The following RBPMS variants were observed in gnomAD, a reference collection of about 807,000 sequenced individuals.
The protein encoded by RBPMS is RNA binding protein, mRNA processing factor, also known as RNA-binding protein with multiple splicing.
Under a neutral mutation model 26.8 loss-of-function variants are expected in RBPMS, and 7 were observed. The observed-to-expected ratio is 0.26, with a 90% confidence interval of 0.15 to 0.49. The LOEUF (loss-of-function observed/expected upper bound fraction) is 0.49, where lower values mean the gene tolerates loss of function less well. Among genes scored for constraint, RBPMS ranks in the 20% least tolerant of loss-of-function variants. The pLI is 0.98. For missense variants in RBPMS, 186 were observed against 250.0 expected (o/e 0.74, Z 1.73); for synonymous variants, 96 against 93.3 (o/e 1.03, Z -0.17).
chr8:30,554,532 T>C (rs767289373), intron 6 of RBPMS, among the ~76,000 whole-genome samples: 6 of 152,206 alleles, frequency 3.9e-5, no homozygotes, highest in Non-Finnish European at 8.8e-5. Flanking sequence ...TCCTTGACAT[T>C]AGAGCATTTC....
chr8:30,476,211 A>AGCG (rs33953066), intron 2 of RBPMS, among the ~76,000 whole-genome samples: 1 of 42 alleles, frequency 0.024, no homozygotes, highest in African/African-American at 0.1. Flanking sequence ...TGAAACTTGG[A>AGCG]GCTGAATAAA....
chr8:30,460,901 A>G (rs1815804105), intron 1 of RBPMS, among the ~76,000 whole-genome samples: 1 of 152,156 alleles, frequency 6.6e-6, no homozygotes, highest in African/African-American at 2.4e-5. Flanking sequence ...AACACAAAAA[A>G]TTAGCCAGGC....
intron 4 of RBPMS, among the ~76,000 whole-genome samples, chr8:30,500,623 AC>A (rs1330287748): frequency 6.6e-6 from 1 of 152,102 alleles, no homozygotes; most frequent in Admixed American, 6.6e-5. Context: ...GAATTTGGAG[AC>A]TTTTTCTCTA....
intron 6 of RBPMS, among the ~76,000 whole-genome samples, chr8:30,555,209 A>G (rs1402804891): frequency 6.6e-6 from 1 of 152,162 alleles, no homozygotes; most frequent in African/African-American, 2.4e-5. Flanking sequence ...ATCTGTCACC[A>G]TGCTGAGTGC....
At chr8:30,567,102 C>G (rs1000204997) in intron 8 of RBPMS, among the ~76,000 whole-genome samples, 2 of 152,164 alleles carry the variant, frequency 1.3e-5, no homozygotes, top group African/African-American at 4.8e-5. Flanking sequence ...AGGGGCGAGT[C>G]TATGGTGGTT....
intron 1 of RBPMS, among the ~76,000 whole-genome samples, chr8:30,466,043 C>G (rs997075528): frequency 5.3e-5 from 8 of 152,116 alleles, no homozygotes; most frequent in African/African-American, 1.4e-4. Flanking sequence ...ATTATCCTAC[C>G]AAAAACTTTG....
At chr8:30,447,401 A>G (rs1813995599) in intron 1 of RBPMS, among the ~76,000 whole-genome samples, 1 of 152,228 alleles carries the variant, frequency 6.6e-6, no homozygotes, top group South Asian at 2.1e-4. Flanking sequence ...AGAGGAAGTT[A>G]GCGGTTAGAA....
At chr8:30,410,471 G>A (rs1218184657) in intron 1 of RBPMS, among the ~76,000 whole-genome samples, 3 of 152,034 alleles carry the variant, frequency 2.0e-5, no homozygotes. Context: ...GCCTCCCAAA[G>A]TGCCGGGACT....
At chr8:30,526,585 G>T (rs1244759486) in intron 5 of RBPMS, among the ~76,000 whole-genome samples, 1 of 152,174 alleles carries the variant, frequency 6.6e-6, no homozygotes, top group African/African-American at 2.4e-5. Flanking sequence ...AGCACACACA[G>T]CCTGGAGAAA....
intron 1 of RBPMS, among the ~76,000 whole-genome samples, chr8:30,412,493 TC>T (rs1179676263): frequency 6.6e-6 from 1 of 152,134 alleles, no homozygotes; most frequent in East Asian, 1.9e-4. Flanking sequence ...GCACGTACTT[TC>T]CCCCCAACTT....
chr8:30,410,848 A>T (rs1563292249), intron 1 of RBPMS, among the ~76,000 whole-genome samples: 1 of 150,506 alleles, frequency 6.6e-6, no homozygotes, highest in Non-Finnish European at 1.5e-5. Flanking sequence ...ACATCTTCCT[A>T]CCCCAGCCTC....
At chr8:30,490,688 A>AC (rs2150885923) in intron 4 of RBPMS, among the ~76,000 whole-genome samples, 2 of 151,818 alleles carry the variant, frequency 1.3e-5, no homozygotes, top group South Asian at 4.2e-4. Flanking sequence ...CTGGTCTTGA[A>AC]CTCCTGGACC....
intron 4 of RBPMS, among the ~76,000 whole-genome samples, chr8:30,489,298 A>C (rs1819123543): frequency 6.6e-6 from 1 of 151,898 alleles, no homozygotes; most frequent in Non-Finnish European, 1.5e-5. Context: ...CTCTCACCTC[A>C]GCTTTGCAGA....
At chr8:30,411,933 C>T (rs185069945) in intron 1 of RBPMS, among the ~76,000 whole-genome samples, 5 of 151,028 alleles carry the variant, frequency 3.3e-5, no homozygotes. Flanking sequence ...TTGCAGTGAA[C>T]CGAGATCGCG....
chr8:30,473,982 C>T (rs1379421905), intron 1 of RBPMS, among the ~76,000 whole-genome samples: 1 of 152,090 alleles, frequency 6.6e-6, no homozygotes, highest in African/African-American at 2.4e-5. Context: ...CTAATGGTTG[C>T]TGGGCTTAAT....
At chr8:30,482,635 A>G (rs1018598305) in intron 4 of RBPMS, among the ~76,000 whole-genome samples, 4 of 152,252 alleles carry the variant, frequency 2.6e-5, no homozygotes, top group African/African-American at 9.6e-5. Flanking sequence ...AAAGTTAAAT[A>G]CAGTACGTTT....
At chr8:30,430,093 A>T (rs573875459) in intron 1 of RBPMS, among the ~76,000 whole-genome samples, 8 of 152,110 alleles carry the variant, frequency 5.3e-5, no homozygotes, top group Non-Finnish European at 1.2e-4. Flanking sequence ...CCTGGGCAAT[A>T]TGGTGAAACC....
intron 8 of RBPMS, 24 bp from the exon 9 acceptor site, chr8:30,570,613 T>TAACA (rs1200022315): frequency 1.3e-5 from 2 of 152,716 alleles, no homozygotes; most frequent in African/African-American, 4.8e-5. Context: ...CCTGCTCTCC[T>TAACA]AACATGTTTT....
At chr8:30,447,137 A>G (rs913898902) in intron 1 of RBPMS, among the ~76,000 whole-genome samples, 2 of 152,160 alleles carry the variant, frequency 1.3e-5, no homozygotes, top group Admixed American at 6.6e-5. Context: ...ATTTACTAAT[A>G]TGGTTTGAGT....
Sources: gnomAD v4.1 joint callset for allele counts (sites outside exome capture counted in the v4.1 genomes callset) on GRCh38, gnomAD v4.1.1 for gene constraint, MANE v1.5 for transcripts, NCBI Gene and HGNC (gene_info 2026-07-23, HGNC 2026-07-21) for gene names.